The following ARID1B variants were observed in gnomAD, a reference collection of about 807,000 sequenced individuals.
ARID1B encodes the protein AT-rich interaction domain 1B, also known as AT-rich interactive domain-containing protein 1B.
ARID1B carries 30 observed loss-of-function variants against 212.3 expected under a neutral mutation model. The ratio of observed to expected loss-of-function variants is 0.14; its 90% CI spans 0.11 to 0.19. The LOEUF (loss-of-function observed/expected upper bound fraction) is 0.19, where lower values mean the gene tolerates loss of function less well. Ranked by LOEUF, ARID1B falls within the 10% of genes least tolerant of loss-of-function variation. ARID1B has a pLI of 1.00. For missense variants in ARID1B, 2,891 were observed against 3,204.0 expected (o/e 0.90, Z 2.36); for synonymous variants, 1,402 against 1,301.7 (o/e 1.08, Z -1.66).
chr6:157,034,590 G>A (rs912099937), intron 4 of ARID1B, among the ~76,000 whole-genome samples: 2 of 152,208 alleles, frequency 1.3e-5, no homozygotes, highest in Non-Finnish European at 2.9e-5. Context: ...ATTTCGGCCG[G>A]TAAGTTTAAT....
chr6:156,943,953 G>A (rs1792868545), intron 4 of ARID1B: 1 of 152,092 alleles, frequency 6.6e-6, no homozygotes. Flanking sequence ...AATATGTTTT[G>A]GCTGGGAGAC....
At position 157,198,683 on chromosome 6, in the gene ARID1B, G is replaced by A. The variant is rs112823558; in HGVS notation, c.4383-128G>A. On this transcript the variant is annotated intron_variant, in intron 16 of 19. Coordinates refer to ENST00000636930, the MANE Select transcript of ARID1B (RefSeq NM_001374828.1). ...AGCTGCCTCTCAGAGGGCCTTTGTCGGAGGGGTGCGCAGTAAAAGCCACAC... is the reference window on the plus strand; with the variant it reads ...AGCTGCCTCTCAGAGGGCCTTTGTCAGAGGGGTGCGCAGTAAAAGCCACAC... 2.0e-4 allele frequency: 136 copies of A among 688,500 alleles called. No homozygotes were observed. The African/African-American group carries it at 2.1e-3, about 11-fold the overall frequency. 42.6% of individuals were successfully genotyped at this position (688,500 alleles called of 1,614,324 possible).
chr6:156,998,920 C>G (rs981032908), intron 4 of ARID1B, among the ~76,000 whole-genome samples: 1 of 152,192 alleles, frequency 6.6e-6, no homozygotes, highest in Non-Finnish European at 1.5e-5. Context: ...ACCGTGGAGC[C>G]TTTTGAGCAG....
chr6:156,965,320 G>T (rs751646726), intron 4 of ARID1B, among the ~76,000 whole-genome samples: 1 of 152,162 alleles, frequency 6.6e-6, no homozygotes, highest in Non-Finnish European at 1.5e-5. Flanking sequence ...CTTGCCCAGG[G>T]TTTTCCACCC....
chr6:156,856,155 A>G (rs965800943), intron 2 of ARID1B, among the ~76,000 whole-genome samples: 17 of 152,220 alleles, frequency 1.1e-4, no homozygotes, highest in Non-Finnish European at 2.5e-4. Context: ...GGTAAACAAC[A>G]TAAACTGATG....
intron 11 of ARID1B, among the ~76,000 whole-genome samples, chr6:157,177,363 T>C (rs970022538): frequency 1.3e-5 from 2 of 152,200 alleles, no homozygotes; most frequent in Admixed American, 6.5e-5. Flanking sequence ...ATCAAATCAC[T>C]GCAAATACAT....
chr6:157,175,710 A>G (rs1039593906), intron 11 of ARID1B: 4 of 152,176 alleles, frequency 2.6e-5, no homozygotes, highest in African/African-American at 9.7e-5. Context: ...AATGTCACGG[A>G]TGTATCAGGG....
At chr6:156,817,088 A>G (rs994131156) in intron 1 of ARID1B, among the ~76,000 whole-genome samples, 9 of 151,868 alleles carry the variant, frequency 5.9e-5, no homozygotes, top group East Asian at 5.8e-4. Flanking sequence ...ATTAAAAAAA[A>G]AAAAGAAAAA....
intron 3 of ARID1B, among the ~76,000 whole-genome samples, chr6:156,915,978 A>C (rs1475671254): frequency 6.8e-6 from 1 of 146,012 alleles, no homozygotes; most frequent in Non-Finnish European, 1.5e-5. Context: ...CCACCCCCCC[A>C]GCTCACTTTC....
At chr6:156,803,407 T>G (rs575995766) in intron 1 of ARID1B, among the ~76,000 whole-genome samples, 1 of 152,296 alleles carries the variant, frequency 6.6e-6, no homozygotes, top group Admixed American at 6.5e-5. Context: ...CAAAATATTT[T>G]CCTTTCCTTT....
At chr6:156,792,560 G>GTA (rs536174922) in intron 1 of ARID1B, among the ~76,000 whole-genome samples, 1 of 152,220 alleles carries the variant, frequency 6.6e-6, no homozygotes, top group Non-Finnish European at 1.5e-5. Flanking sequence ...GTAAAATTCA[G>GTA]TATAAATAAT....
chr6:157,170,858 C>G (rs1210057636), intron 9 of ARID1B, among the ~76,000 whole-genome samples: 2 of 152,200 alleles, frequency 1.3e-5, no homozygotes, highest in Non-Finnish European at 2.9e-5. Flanking sequence ...TGTGTGTTAC[C>G]TTCACAGTGG....
At chr6:156,845,265 G>A (rs889269768) in intron 2 of ARID1B, among the ~76,000 whole-genome samples, 3 of 152,298 alleles carry the variant, frequency 2.0e-5, no homozygotes, top group South Asian at 4.1e-4. Context: ...GCCACCTGCC[G>A]CATTCTGCAT....
intron 2 of ARID1B, among the ~76,000 whole-genome samples, chr6:156,886,669 C>T (rs2128179258): frequency 6.6e-6 from 1 of 152,300 alleles, no homozygotes; most frequent in Non-Finnish European, 1.5e-5. Context: ...TTTCCTAGCC[C>T]TTGACCGTAA....
chr6:157,200,427 C>T lies in ARID1B; in HGVS notation c.4480-278C>T, dbSNP rs1312061872. 1.3e-5 allele frequency among the ~76,000 whole-genome samples: 2 copies of T among 151,992 alleles called. No homozygotes were observed. Among genetic ancestry groups the T allele is most frequent in the Non-Finnish European group, 2.9e-5 (2 of 67,950 alleles). On this transcript the variant is annotated intron_variant, in intron 17 of 19. Coordinates refer to ENST00000636930, the MANE Select transcript of ARID1B (RefSeq NM_001374828.1). The surrounding 1 kb of genome is among the most constrained non-coding windows in gnomAD (Gnocchi z 4.3). ...TGTGTGGGAGTTGAACGCTGGCTGT[C>T]CCGGTGGCACAGCCTAAGGAGAGGA... is the stretch of plus-strand genomic sequence containing the variant.
chr6:156,896,183 C>A (rs1050859013), intron 2 of ARID1B, among the ~76,000 whole-genome samples: 2 of 152,178 alleles, frequency 1.3e-5, no homozygotes, highest in African/African-American at 4.8e-5. Context: ...CATTGAATAT[C>A]CTTCCTGGAA....
intron 5 of ARID1B, among the ~76,000 whole-genome samples, chr6:157,104,081 C>T (rs181898687): frequency 5.9e-5 from 9 of 152,110 alleles, no homozygotes; most frequent in Admixed American, 2.0e-4. Flanking sequence ...GTGATCCACC[C>T]GCCTTGGCCT....
At chr6:156,809,897 T>A (rs934413032) in intron 1 of ARID1B, among the ~76,000 whole-genome samples, 1 of 151,956 alleles carries the variant, frequency 6.6e-6, no homozygotes, top group African/African-American at 2.4e-5. Flanking sequence ...CAGTTTGTCA[T>A]GTGGTCAGGT....
chr6:157,197,338 C>T lies in ARID1B; in HGVS notation c.4382+1023C>T, dbSNP rs187858613. Among the ~76,000 whole-genome samples the T allele has an allele frequency of 1.5e-4, 23 of 152,340 alleles. No homozygotes were observed. In the East Asian group the frequency reaches 3.1e-3, roughly 20 times the overall value. On this transcript the variant is annotated intron_variant, in intron 16 of 19. Coordinates refer to ENST00000636930, the MANE Select transcript of ARID1B (RefSeq NM_001374828.1). ...CTGCGTGTGCTGTTCTACCGGGGACCGGCTGGGCCAGAGCCGCTCACCTTT... is the reference window on the plus strand; with the variant it reads ...CTGCGTGTGCTGTTCTACCGGGGACTGGCTGGGCCAGAGCCGCTCACCTTT...
Sources: gnomAD v4.1 joint callset for allele counts (sites outside exome capture counted in the v4.1 genomes callset) on GRCh38, gnomAD v4.1.1 for gene constraint, Gnocchi (gnomAD v3.1) non-coding constraint, MANE v1.5 for transcripts, NCBI Gene and HGNC (gene_info 2026-07-23, HGNC 2026-07-21) for gene names.